The following KANSL1 variants were observed in gnomAD, a reference collection of about 807,000 sequenced individuals.
The protein encoded by KANSL1 is KAT8 regulatory NSL complex subunit 1.
KANSL1 carries 22 observed loss-of-function variants against 103.6 expected under a neutral mutation model. The observed-to-expected ratio is 0.21, with a 90% CI of 0.15 to 0.30. KANSL1 has a LOEUF of 0.30. KANSL1 is among the 10% of genes least tolerant of loss of function. KANSL1 has a pLI of 1.00. For synonymous variants in KANSL1, 600 were observed against 527.6 expected, an observed-to-expected ratio of 1.14 and a Z score of -1.88; for missense variants, 1,337 against 1,399.8, an observed-to-expected ratio of 0.96 and a Z score of 0.72.
At chr17:46,077,177 G>A (rs952687849) in intron 4 of KANSL1, among the ~76,000 whole-genome samples, 3 of 152,202 alleles carry the variant, frequency 2.0e-5, no homozygotes, top group Admixed American at 2.0e-4. Flanking sequence ...TCAGCTTCCA[G>A]AGTAGTGAGG....
intron 2 of KANSL1, among the ~76,000 whole-genome samples, chr17:46,100,899 C>T (rs1322413116): frequency 6.6e-6 from 1 of 152,210 alleles, no homozygotes; most frequent in Non-Finnish European, 1.5e-5. Flanking sequence ...TGATTTCAGT[C>T]CCATCTCGAT....
chr17:46,214,515 G>C (rs573019614), intron 1 of KANSL1, among the ~76,000 whole-genome samples: 1 of 152,172 alleles, frequency 6.6e-6, no homozygotes, highest in Non-Finnish European at 1.5e-5. Context: ...TTAGCTGGGC[G>C]TGGTGGCAGG....
chr17:46,146,169 G>A (rs2044689093), intron 2 of KANSL1, among the ~76,000 whole-genome samples: 1 of 152,178 alleles, frequency 6.6e-6, no homozygotes, highest in Non-Finnish European at 1.5e-5. Context: ...ACTGTGAAAA[G>A]CACTAAAATA....
chr17:46,215,718 C>A (rs932287116), intron 1 of KANSL1, among the ~76,000 whole-genome samples: 8 of 152,150 alleles, frequency 5.3e-5, no homozygotes, highest in Non-Finnish European at 5.9e-5. Context: ...AGAGGTTGGA[C>A]TGGGGAAGTG....
intron 1 of KANSL1, among the ~76,000 whole-genome samples, chr17:46,216,745 T>C (rs915501299): frequency 2.6e-5 from 4 of 152,130 alleles, no homozygotes; most frequent in Admixed American, 6.5e-5. Context: ...GTGTCGAGGG[T>C]CTAGTACCCA....
intron 1 of KANSL1, among the ~76,000 whole-genome samples, chr17:46,219,582 T>C (rs2048454941): frequency 6.6e-6 from 1 of 152,232 alleles, no homozygotes; most frequent in Non-Finnish European, 1.5e-5. Flanking sequence ...GCCCAGGCTG[T>C]TCTCAAACTC....
At chr17:46,200,520 A>G (rs1454220925) in intron 1 of KANSL1, among the ~76,000 whole-genome samples, 1 of 152,202 alleles carries the variant, frequency 6.6e-6, no homozygotes, top group Non-Finnish European at 1.5e-5. Context: ...AGGTGGGCAG[A>G]TCACGAGATC....
intron 1 of KANSL1, among the ~76,000 whole-genome samples, chr17:46,216,529 A>T (rs1373363787): frequency 1.3e-5 from 2 of 149,466 alleles, no homozygotes; most frequent in African/African-American, 4.9e-5. Context: ...AACCCAGGAG[A>T]CGGAGGTTGC....
intron 2 of KANSL1, among the ~76,000 whole-genome samples, chr17:46,138,368 T>C (rs2044257560): frequency 6.6e-6 from 1 of 152,236 alleles, no homozygotes; most frequent in South Asian, 2.1e-4. Context: ...CATTATTCCC[T>C]AAGCAATACA....
chr17:46,080,035 GAGAA>G (rs997761445), intron 4 of KANSL1, among the ~76,000 whole-genome samples: 4 of 151,618 alleles, frequency 2.6e-5, no homozygotes, highest in African/African-American at 9.7e-5. Context: ...CAGAGAGAGA[GAGAA>G]AGAAAAAGAA....
intron 2 of KANSL1, among the ~76,000 whole-genome samples, chr17:46,139,039 G>C (rs1023062314): frequency 4.6e-5 from 7 of 152,200 alleles, no homozygotes; most frequent in African/African-American, 1.7e-4. Flanking sequence ...AAGAAGTCTT[G>C]AGTTTTAAGG....
Position 46,032,245 on chromosome 17 carries a change from G to C in KANSL1, c.2892C>G (p.Pro964=). The C allele has an allele frequency of 1.3e-6, 2 of 1,569,884 alleles. No homozygotes were observed. The highest frequency in any genetic ancestry group is 1.7e-6 in the Non-Finnish European group (2 of 1,154,740). ...CAGGGGAGGCAGGCTGGGGGGTGGA[G>C]GGGTTGGCACTGCCCAGCTGGGGGG... ...RTTPQLGSAN[P]STPQPASPDV... Residue 964 remains proline, a synonymous_variant, in exon 14 of 15, where the codon CCC becomes CCG. Coordinates refer to ENST00000432791, the MANE Select transcript of KANSL1 (RefSeq NM_015443.4).
At chr17:46,160,540 C>T (rs1214881526) in intron 2 of KANSL1, among the ~76,000 whole-genome samples, 2 of 152,126 alleles carry the variant, frequency 1.3e-5, no homozygotes, top group African/African-American at 4.8e-5. Flanking sequence ...GAGATCTGCC[C>T]GCCTTGGCCT....
At chr17:46,045,039 G>A (rs1325635674) in intron 7 of KANSL1, 1 of 151,712 alleles carries the variant, frequency 6.6e-6, no homozygotes, top group African/African-American at 2.4e-5. Context: ...TGGAAATCCT[G>A]CCACTTTAAA....
chr17:46,145,460 A>G (rs892737913), intron 2 of KANSL1, among the ~76,000 whole-genome samples: 5 of 152,238 alleles, frequency 3.3e-5, no homozygotes, highest in African/African-American at 7.2e-5. Context: ...AGAATTTTGG[A>G]AAAAAAGAGC....
chr17:46,199,945 T>G (rs1463113775), intron 1 of KANSL1, among the ~76,000 whole-genome samples: 1 of 152,132 alleles, frequency 6.6e-6, no homozygotes, highest in Non-Finnish European at 1.5e-5. Context: ...TCCACAGTGG[T>G]GGATTTAATA....
chr17:46,148,254 T>C (rs1467022927), intron 2 of KANSL1: 1 of 152,228 alleles, frequency 6.6e-6, no homozygotes, highest in Non-Finnish European at 1.5e-5. Flanking sequence ...AAGAAAGCAG[T>C]TTTTAAGAGG....
At chr17:46,187,994 G>A (rs541893989) in intron 1 of KANSL1, among the ~76,000 whole-genome samples, 1 of 152,240 alleles carries the variant, frequency 6.6e-6, no homozygotes, top group African/African-American at 2.4e-5. Flanking sequence ...AGCTCTTTTT[G>A]GAGTCCAAGT....
rs568366920 is a variant in KANSL1, at chr17:46,096,859, C to T, written c.1290-2158G>A. Among the ~76,000 whole-genome samples the T allele has an allele frequency of 7.9e-5, 12 of 152,212 alleles. No individual in the cohort carries two copies. In the South Asian group the frequency reaches 1.7e-3, roughly 21 times the overall value. On this transcript the variant is annotated intron_variant, in intron 2 of 14. Transcript: ENST00000432791. ...GTCTCGATCTCCTGACCTCATGATC[C>T]ACCCACCTCAGCCTCCCAAAGTGCT...
Sources: allele counts gnomAD v4.1 joint callset (sites outside exome capture counted in the v4.1 genomes callset), GRCh38; gene constraint gnomAD v4.1.1; transcripts MANE v1.5; gene names NCBI Gene and HGNC (gene_info 2026-07-23, HGNC 2026-07-21).